PRDM2: variants seen among roughly 807,000 people sequenced by gnomAD.
PRDM2 encodes PR domain zinc finger protein 2.
A neutral mutation model predicts 130.0 loss-of-function variants in PRDM2; 30 were observed. The observed-to-expected ratio is 0.23, with a 90% confidence interval of 0.17 to 0.31. The LOEUF is 0.31. Among genes scored for constraint, PRDM2 ranks in the 10% least tolerant of loss-of-function variants. The pLI, the probability that PRDM2 is intolerant of heterozygous loss-of-function variation, is 1.00. For synonymous variants in PRDM2, 871 were observed against 782.4 expected, an observed-to-expected ratio of 1.11 and a Z score of -1.89; for missense variants, 2,011 against 2,108.4, an observed-to-expected ratio of 0.95 and a Z score of 0.90.
intron 8 of PRDM2, among the ~76,000 whole-genome samples, chr1:13,810,729 C>T (rs181320153): frequency 4.8e-4 from 73 of 151,906 alleles, no homozygotes; most frequent in African/African-American, 1.6e-3. Context: ...CTCTTGACCT[C>T]GTGATCCGCC....
In PRDM2 at chr1:13,768,644, A is replaced by G. The variant is rs543354955; in HGVS notation, c.512-4434A>G. Reference sequence around the variant, plus strand: ...GGTGATCCACCTGCCTCGGCCTCCCAAAGTGCTGGGATTACAGGTGTGACC... The same window carrying G: ...GGTGATCCACCTGCCTCGGCCTCCCGAAGTGCTGGGATTACAGGTGTGACC... On this transcript the variant is annotated intron_variant, in intron 6 of 9. Coordinates refer to ENST00000311066, the MANE Select transcript of PRDM2 (RefSeq NM_001393986.1). Among the ~76,000 whole-genome samples the G allele has an allele frequency of 1.0e-3, 159 of 152,278 alleles. 1 individual carries two copies. The highest frequency in any genetic ancestry group is 3.7e-3 in the African/African-American group (153 of 41,564).
At chr1:13,794,994 C>T (rs1644900738) in intron 8 of PRDM2, among the ~76,000 whole-genome samples, 1 of 152,180 alleles carries the variant, frequency 6.6e-6, no homozygotes, top group African/African-American at 2.4e-5. Flanking sequence ...TCCCACCCAT[C>T]AGAACTAAAG....
At chr1:13,784,921 G>A (rs1417886956) in intron 8 of PRDM2, among the ~76,000 whole-genome samples, 1 of 152,220 alleles carries the variant, frequency 6.6e-6, no homozygotes, top group African/African-American at 2.4e-5. Context: ...ATAAACCTGT[G>A]ATGTGTTCTT....
intron 6 of PRDM2, among the ~76,000 whole-genome samples, chr1:13,770,627 G>A (rs1237777952): frequency 6.6e-6 from 1 of 152,104 alleles, no homozygotes; most frequent in African/African-American, 2.4e-5. Flanking sequence ...TATGCAAGGA[G>A]TGAAGGTTTA....
intron 8 of PRDM2, among the ~76,000 whole-genome samples, chr1:13,785,836 T>TC (rs1644723418): frequency 7.0e-6 from 1 of 142,102 alleles, no homozygotes; most frequent in African/African-American, 2.6e-5. Flanking sequence ...TTTGGGTTCT[T>TC]TTTTTTTTTT....
chr1:13,769,572 TGAGAC>T (rs1213459316), intron 6 of PRDM2, among the ~76,000 whole-genome samples: 1 of 152,316 alleles, frequency 6.6e-6, no homozygotes, highest in African/African-American at 2.4e-5. Flanking sequence ...GCCCTCACGA[TGAGAC>T]GTAACTTAAC....
intron 8 of PRDM2, among the ~76,000 whole-genome samples, chr1:13,811,670 C>T (rs947266839): frequency 3.3e-5 from 5 of 152,226 alleles, no homozygotes; most frequent in African/African-American, 1.2e-4. Context: ...AAGACATCCT[C>T]TTCTAGTGTT....
intron 2 of PRDM2, among the ~76,000 whole-genome samples, chr1:13,724,441 C>T (rs1372440780): frequency 4.0e-5 from 6 of 151,784 alleles, no homozygotes; most frequent in Non-Finnish European, 8.8e-5. Context: ...TGACACTGCT[C>T]ACACTCTTTT....
Position 13,768,074 on chromosome 1 carries a change from G to GTT in PRDM2, c.512-4984_512-4983dup, listed in dbSNP as rs774757778. ...AACATTTTTAACATTTTGTCCTTGA[G>GTT]TTTTTTTTTTTTTTTTTTTTTGAGA... On this transcript the variant is annotated intron_variant, in intron 6 of 9. Transcript: ENST00000311066. 8.5e-3 allele frequency among the ~76,000 whole-genome samples: 1,005 copies of GTT among 117,728 alleles called. 34 individuals are homozygous for GTT. Among genetic ancestry groups the GTT allele is most frequent in the East Asian group, 0.04 (151 of 3,808 alleles). 77.2% of individuals were successfully genotyped at this position (117,728 alleles called of 152,430 possible). A position where few individuals can be genotyped will look rare whatever the true frequency, so the allele number is the denominator to read the frequency against.
At chr1:13,760,224 A>G (rs931308616) in intron 6 of PRDM2, among the ~76,000 whole-genome samples, 2 of 152,308 alleles carry the variant, frequency 1.3e-5, no homozygotes, top group East Asian at 1.9e-4. Context: ...ACAGGATCCT[A>G]TAAATCTCAT....
At chr1:13,768,346 G>A (rs1056423501) in intron 6 of PRDM2, among the ~76,000 whole-genome samples, 2 of 151,650 alleles carry the variant, frequency 1.3e-5, no homozygotes, top group African/African-American at 4.8e-5. Flanking sequence ...GCCTCCCAAA[G>A]TGCTGGGATT....
At chr1:13,711,069 AGTGAG>A (rs1642354859) in intron 1 of PRDM2, among the ~76,000 whole-genome samples, 1 of 132,680 alleles carries the variant, frequency 7.5e-6, no homozygotes, top group African/African-American at 3.1e-5. Context: ...TGGGCGACAG[AGTGAG>A]GCTCTGTCTC....
chr1:13,787,324 T>G, intron 8 of PRDM2: 1 of 985,082 alleles, frequency 1.0e-6, no homozygotes, highest in Non-Finnish European at 1.2e-6. Flanking sequence ...CATACCAGGT[T>G]TTACACTTGC....
chr1:13,768,305 G>T (rs563079221), intron 6 of PRDM2, among the ~76,000 whole-genome samples: 1 of 151,638 alleles, frequency 6.6e-6, no homozygotes, highest in Admixed American at 6.6e-5. Context: ...GGATGGTCTC[G>T]ATCTCCTGAC....
chr1:13,816,184 G>A (rs551857012), intron 8 of PRDM2, among the ~76,000 whole-genome samples: 1 of 152,316 alleles, frequency 6.6e-6, no homozygotes, highest in Admixed American at 6.5e-5. Flanking sequence ...CCTCTTGCCC[G>A]TGCTTCTGCG....
chr1:13,738,156 A>C (rs1643327520), intron 4 of PRDM2, among the ~76,000 whole-genome samples: 1 of 152,180 alleles, frequency 6.6e-6, no homozygotes, highest in Admixed American at 6.5e-5. Context: ...TATTGTTAGA[A>C]TATTAGTCCT....
rs1644747085 is a variant in PRDM2, at chr1:13,786,624, G to C, written c.5036+3793G>C. ...CGGCAAAGGATACGAAATCTACCAA[G>C]CTTGCAAGACCAGTTGAAGCTGACT... On this transcript the variant is annotated intron_variant, in intron 8 of 9. Transcript: ENST00000311066. The C allele has an allele frequency of 2.5e-6, 4 of 1,582,352 alleles. No individual in the cohort carries two copies. In the South Asian group the frequency reaches 4.5e-5, roughly 18 times the overall value.
rs1645038652 is a variant in PRDM2, at chr1:13,803,390, C to T, written c.5037-13037C>T. On this transcript the variant is annotated intron_variant, in intron 8 of 9. Transcript: ENST00000311066. The surrounding 1 kb of genome is among the most constrained non-coding windows in gnomAD (Gnocchi z 6.2). The stretch of plus-strand genomic sequence containing the variant: ...GAGAAGTGAATAGACTCCAACCGTG[C>T]TCTCCTGGTGCTCCCAGTCCAGTGG... 6.6e-6 allele frequency among the ~76,000 whole-genome samples: 1 copy of T among 152,196 alleles called. No individual in the cohort carries two copies. Among genetic ancestry groups the T allele is most frequent in the Admixed American group, 6.5e-5 (1 of 15,280 alleles).
At chr1:13,774,382 C>G (rs1246088304) in intron 7 of PRDM2, among the ~76,000 whole-genome samples, 2 of 152,172 alleles carry the variant, frequency 1.3e-5, no homozygotes, top group African/African-American at 4.8e-5. Context: ...AGGAAAATAA[C>G]CAGAATATTT....
Sources: gnomAD v4.1 joint callset for allele counts (sites outside exome capture counted in the v4.1 genomes callset) on GRCh38, gnomAD v4.1.1 for gene constraint, Gnocchi (gnomAD v3.1) non-coding constraint, MANE v1.5 for transcripts, NCBI Gene and HGNC (gene_info 2026-07-23, HGNC 2026-07-21) for gene names.